SCEL: variants seen among roughly 807,000 people sequenced by gnomAD.
SCEL encodes sciellin.
Under a neutral mutation model 117.6 loss-of-function variants are expected in SCEL, and 113 were observed. The ratio of observed to expected loss-of-function variants is 0.96; its 90% CI spans 0.83 to 1.12. The LOEUF (loss-of-function observed/expected upper bound fraction) is 1.12. SCEL is among the 50% of genes most tolerant of loss of function. The pLI is 0.00. For missense variants in SCEL, 785 were observed against 810.8 expected (o/e 0.97, Z 0.39); for synonymous variants, 270 against 256.2 (o/e 1.05, Z -0.51).
At chr13:77,628,136 G>T (rs895392309) in intron 28 of SCEL, 127 bp downstream of exon 28, 25 of 190,968 alleles carry the variant, frequency 1.3e-4, no homozygotes, top group African/African-American at 6.6e-4. Context: ...AATTTGGATA[G>T]TGTGTATGTA....
intron 27 of SCEL, among the ~76,000 whole-genome samples, chr13:77,620,041 G>T (rs1167066763): frequency 2.0e-5 from 3 of 152,088 alleles, no homozygotes; most frequent in Admixed American, 6.6e-5. Context: ...GACATTTTCC[G>T]TATACAGATA....
chr13:77,610,622 A>G (rs1159779845), intron 22 of SCEL, among the ~76,000 whole-genome samples: 3 of 152,174 alleles, frequency 2.0e-5, no homozygotes, highest in African/African-American at 7.2e-5. Flanking sequence ...TCTTACCAGT[A>G]TGAGATTGTG....
intron 27 of SCEL, 102 bp from the exon 28 acceptor site, chr13:77,627,845 G>A: frequency 2.9e-6 from 1 of 343,854 alleles, no homozygotes; most frequent in Non-Finnish European, 5.3e-6. Flanking sequence ...GACCACAAAT[G>A]ACTGTGTCTA....
At chr13:77,634,484 T>A in intron 29 of SCEL, 34 bp downstream of exon 29, 1 of 1,466,900 alleles carries the variant, frequency 6.8e-7, no homozygotes, top group Non-Finnish European at 9.5e-7. Context: ...TATTGCTTCA[T>A]TTTATAATTT....
chr13:77,567,987 C>A (rs912613284), intron 6 of SCEL, among the ~76,000 whole-genome samples: 16 of 151,938 alleles, frequency 1.1e-4, no homozygotes, highest in African/African-American at 3.9e-4. Flanking sequence ...GTCCTGGTGG[C>A]AAAATTATGA....
chr13:77,558,822 A>G (rs1370739062), intron 3 of SCEL, among the ~76,000 whole-genome samples: 2 of 142,496 alleles, frequency 1.4e-5, no homozygotes, highest in Non-Finnish European at 3.1e-5. Context: ...TGTCTTACAA[A>G]AAAAAAAAAA....
Position 77,613,899 on chromosome 13 carries a change from A to G in SCEL, c.1395A>G (p.Glu465=), listed in dbSNP as rs2088846911. 2.5e-6 allele frequency: 4 copies of G among 1,613,330 alleles called. No homozygotes were observed. In the East Asian group the frequency reaches 8.9e-5, roughly 36 times the overall value. ...TCCTCTAATTTTGTTTTAGCAGTGA[A>G]CAAGGTCTTGATGAACATATTAATG... is the stretch of plus-strand genomic sequence containing the variant. ...KVIPSANKSS[E]QGLDEHINVS... The change falls in exon 24 of 33, where the codon GAA becomes GAG. Residue 465 remains glutamate, a synonymous_variant. Coordinates refer to ENST00000349847, the MANE Select transcript of SCEL (RefSeq NM_144777.3).
At chr13:77,606,139 T>C (rs2088160661) in intron 19 of SCEL, among the ~76,000 whole-genome samples, 1 of 152,262 alleles carries the variant, frequency 6.6e-6, no homozygotes, top group Non-Finnish European at 1.5e-5. Flanking sequence ...TATGTGTCTA[T>C]ATGCATATGT....
At chr13:77,626,416 T>G (rs779988104) in intron 27 of SCEL, among the ~76,000 whole-genome samples, 1 of 152,210 alleles carries the variant, frequency 6.6e-6, no homozygotes, top group Non-Finnish European at 1.5e-5. Context: ...CTCACCACAA[T>G]TGTATGAGTT....
chr13:77,616,356 A>G (rs1274309674), intron 24 of SCEL, among the ~76,000 whole-genome samples: 1 of 152,042 alleles, frequency 6.6e-6, no homozygotes, highest in Non-Finnish European at 1.5e-5. Context: ...TTATAATAAT[A>G]TGTGAAATTA....
At chr13:77,604,322 C>A in intron 18 of SCEL, 34 bp from the exon 19 acceptor site, 1 of 1,354,296 alleles carries the variant, frequency 7.4e-7, no homozygotes, top group Non-Finnish European at 1.0e-6. Flanking sequence ...TATACTTTAA[C>A]ATCATTCATT....
chr13:77,591,359 TCTGA>T, intron 10 of SCEL, 32 bp from the exon 11 acceptor site: 2 of 1,266,000 alleles, frequency 1.6e-6, no homozygotes, highest in Non-Finnish European at 2.3e-6. Flanking sequence ...TGTTTTCTTT[TCTGA>T]CTGATATAAT....
chr13:77,641,042 A>G (rs978578085), intron 31 of SCEL, among the ~76,000 whole-genome samples: 3 of 152,082 alleles, frequency 2.0e-5, no homozygotes, highest in Non-Finnish European at 4.4e-5. Flanking sequence ...AATCTGTGGG[A>G]AAAAAAACCC....
chr13:77,599,541 A>G, intron 14 of SCEL, 148 bp from the exon 15 acceptor site: 4 of 864,130 alleles, frequency 4.6e-6, no homozygotes, highest in East Asian at 2.5e-5. Context: ...TAGTTCAGAC[A>G]TAATTACCCA....
chr13:77,541,478 G>A (rs942282568), intron 1 of SCEL, among the ~76,000 whole-genome samples: 6 of 151,760 alleles, frequency 4.0e-5, no homozygotes, highest in Admixed American at 6.6e-5. Flanking sequence ...TTCACTTCTC[G>A]GATTCATTCA....
intron 3 of SCEL, among the ~76,000 whole-genome samples, chr13:77,558,532 G>T (rs1047023821): frequency 6.6e-6 from 1 of 152,048 alleles, no homozygotes; most frequent in Non-Finnish European, 1.5e-5. Context: ...TGGTACCGGA[G>T]GCCGGGCGTG....
At chr13:77,601,563 C>T (rs2087694863) in intron 15 of SCEL, among the ~76,000 whole-genome samples, 1 of 152,128 alleles carries the variant, frequency 6.6e-6, no homozygotes, top group Admixed American at 6.5e-5. Flanking sequence ...ATATAAAGTG[C>T]TGGGACCATA....
At chr13:77,620,421 T>C (rs963305638) in intron 27 of SCEL, among the ~76,000 whole-genome samples, 2 of 152,196 alleles carry the variant, frequency 1.3e-5, no homozygotes, top group Non-Finnish European at 2.9e-5. Flanking sequence ...TTTAATAGTA[T>C]AACAGCAGTG....
rs141475107 is a variant in SCEL, at chr13:77,591,430, A to G, written c.662A>G (p.Glu221Gly). Residue 221 changes from glutamate to glycine, a missense_variant, in exon 11 of 33, where the codon GAA becomes GGA. By Grantham distance (98) the Glu-to-Gly change is moderately conservative (BLOSUM62 -2). Transcript: ENST00000349847. ...IHPPKPGVYTETNRSAERNIR... is the reference protein window; with the variant it reads ...IHPPKPGVYTGTNRSAERNIR... ...CCACCTAAACCAGGTGTATATACAGAAACCAACAGATCTGCTGAAAGAAAT... is the reference window on the plus strand; with the variant it reads ...CCACCTAAACCAGGTGTATATACAGGAACCAACAGATCTGCTGAAAGAAAT... 3,656 of 1,586,728 alleles carry G rather than the reference A, an allele frequency of 2.3e-3. 9 individuals carry two copies. The highest frequency in any genetic ancestry group is 4.2e-3 in the Admixed American group (249 of 59,640).
Sources: allele counts gnomAD v4.1 joint callset (sites outside exome capture counted in the v4.1 genomes callset), GRCh38; gene constraint gnomAD v4.1.1; transcripts MANE v1.5; gene names NCBI Gene and HGNC (gene_info 2026-07-23, HGNC 2026-07-21).